The following PZP variants were observed in gnomAD, a reference collection of about 807,000 sequenced individuals.
PZP encodes the protein pregnancy zone protein.
In PZP, 150 loss-of-function variants were observed where a neutral mutation model predicts 179.8. That is an observed-to-expected ratio of 0.83 (90% CI 0.73 to 0.96). The LOEUF is 0.96. Ranked by LOEUF, PZP falls within the 40% of genes least tolerant of loss-of-function variation. PZP has a pLI of 0.00. For synonymous variants in PZP, 624 were observed against 652.3 expected, an observed-to-expected ratio of 0.96 and a Z score of 0.66; for missense variants, 1,689 against 1,764.0, an observed-to-expected ratio of 0.96 and a Z score of 0.76.
intron 17 of PZP, among the ~76,000 whole-genome samples, chr12:9,168,290 G>A (rs1445204489): frequency 1.3e-5 from 2 of 152,170 alleles, no homozygotes; most frequent in East Asian, 3.8e-4. Context: ...TTTGTGAGCA[G>A]ATGGATGTCA....
rs139793180 is a variant in PZP at position 9,173,683 on chromosome 12, G to A, written c.1840-4092C>T. Among the ~76,000 whole-genome samples the A allele has an allele frequency of 1.9e-3, 290 of 152,204 alleles. 1 individual carries two copies. The highest frequency in any genetic ancestry group is 3.5e-3 in the Non-Finnish European group (237 of 68,004). ...CTCACAGAAACGCAAACAACCATCC[G>A]CAAATACTATAAACACCTCTGTCTA... On this transcript the variant is annotated intron_variant, in intron 15 of 35. Coordinates refer to ENST00000261336, the MANE Select transcript of PZP (RefSeq NM_002864.3).
rs374239946 is a variant in PZP, at chr12:9,168,898, G to C, written c.2078C>G (p.Ala693Gly). The change falls in exon 17 of 36, where the codon GCA becomes GGA. Residue 693 changes from alanine to glycine, a missense_variant. Transcript: ENST00000261336. Reference protein sequence around the residue: ...KSCSVIPSVSAGAVGQGYYGA... With the variant: ...KSCSVIPSVSGGAVGQGYYGA... ...ATAGTATCCTTGACCTACTGCTCCT[G>C]CAGACACGGAAGGGATGACTGAACA... 30 of 1,613,920 alleles carry C rather than the reference G, an allele frequency of 1.9e-5. No individual in the cohort carries two copies. In the African/African-American group the frequency reaches 2.5e-4, roughly 14 times the overall value.
the PZP span, among the ~76,000 whole-genome samples, chr12:9,140,239 G>T: frequency 5.3e-5 from 8 of 152,232 alleles, no homozygotes; most frequent in African/African-American, 1.9e-4. Context: ...GGCAGGGTAA[G>T]AACATTAGTC....
Position 9,164,121 on chromosome 12 carries a change from A to T in PZP, c.2614+12T>A. ...TGTTGATTGATAGGCCCTTTTGGGT[A>T]CTGTCACTCACCCAGAGTTTTAGGA... is the stretch of plus-strand genomic sequence containing the variant. On this transcript the variant is annotated intron_variant, in intron 20 of 35. Transcript: ENST00000261336. 6.2e-7 allele frequency: 1 copy of T among 1,608,266 alleles called. No individual in the cohort carries two copies. Among genetic ancestry groups the T allele is most frequent in the Non-Finnish European group, 8.5e-7 (1 of 1,175,148 alleles).
At position 9,166,192 on chromosome 12, in the gene PZP, T is replaced by A. The variant is rs1428884963; in HGVS notation, c.2118A>T (p.Gly706=). Residue 706 remains glycine (G), a synonymous_variant, in exon 18 of 36, where the codon GGA becomes GGT. Coordinates refer to ENST00000261336, the MANE Select transcript of PZP (RefSeq NM_002864.3). ...GAGGAACATATGGTCTCTCTACTAC[T>A]CCTAGACCTGCTAAAGTAAGAGAAA... is the stretch of plus-strand genomic sequence containing the variant. The part of the protein sequence containing the change: ...VGQGYYGAGL[G]VVERPYVPQL... 6.2e-7 allele frequency: 1 copy of A among 1,609,798 alleles called. No homozygotes were observed. Among genetic ancestry groups the A allele is most frequent in the Non-Finnish European group, 8.5e-7 (1 of 1,179,026 alleles).
chr12:9,170,956 G>C lies in PZP; in HGVS notation c.1840-1365C>G, dbSNP rs905299827. 4.6e-5 allele frequency among the ~76,000 whole-genome samples: 7 copies of C among 152,174 alleles called. No homozygotes were observed. The highest frequency in any genetic ancestry group is 1.7e-4 in the African/African-American group (7 of 41,426). ...GGAGAATACAGGTGATCCAGGTGAG[G>C]AAGGATCCCACCCAATGCAGCCCAC... On this transcript the variant is annotated intron_variant, in intron 15 of 35. Transcript: ENST00000261336. This position sits in a 1 kb window ranked among gnomAD's most constrained non-coding sequence, Gnocchi z 4.6.
intron 15 of PZP, among the ~76,000 whole-genome samples, chr12:9,176,991 A>G (rs1431488311): frequency 6.6e-6 from 1 of 152,180 alleles, no homozygotes; most frequent in Non-Finnish European, 1.5e-5. Flanking sequence ...CAGAGAGAGG[A>G]TCGAGTATAT....
chr12:9,150,308 A>G (rs1425597229), intron 34 of PZP, among the ~76,000 whole-genome samples: 4 of 151,966 alleles, frequency 2.6e-5, no homozygotes, highest in Non-Finnish European at 5.9e-5. Context: ...TTTGAGACGG[A>G]GTCTCGCACC....
intron 29 of PZP, 53 bp from the exon 30 acceptor site, chr12:9,153,396 G>C: frequency 6.7e-7 from 1 of 1,485,586 alleles, no homozygotes; most frequent in Non-Finnish European, 9.3e-7. Flanking sequence ...TGGCATCTGG[G>C]ATTTTCCCCC....
chr12:9,137,482 T>A, the PZP span, among the ~76,000 whole-genome samples: 1 of 152,158 alleles, frequency 6.6e-6, no homozygotes, highest in Non-Finnish European at 1.5e-5. Context: ...TTCTTCTTCT[T>A]TCTCAAGATT....
At chr12:9,169,346 T>G in intron 16 of PZP, 84 bp downstream of exon 16, 1 of 1,279,384 alleles carries the variant, frequency 7.8e-7, no homozygotes, top group Non-Finnish European at 1.1e-6. Context: ...GCTACATAAT[T>G]ACTAAGATTA....
At chr12:9,168,004 T>TA (rs1265592026) in intron 17 of PZP, among the ~76,000 whole-genome samples, 2 of 152,224 alleles carry the variant, frequency 1.3e-5, no homozygotes, top group African/African-American at 4.8e-5. Flanking sequence ...CATGGCCCTT[T>TA]AAAAGGTGTC....
At chr12:9,158,726 A>G in intron 25 of PZP, 150 bp from the exon 26 acceptor site, 1 of 642,596 alleles carries the variant, frequency 1.6e-6, no homozygotes, top group Non-Finnish European at 2.4e-6. Context: ...TTTTTAGCTT[A>G]GACATCTCTT....
chr12:9,176,444 C>T (rs955718754), intron 15 of PZP, among the ~76,000 whole-genome samples: 1 of 152,000 alleles, frequency 6.6e-6, no homozygotes, highest in African/African-American at 2.4e-5. Context: ...CACTTGTACC[C>T]CTGAAGTTAA....
chr12:9,187,364 AAAC>A (rs1418252261), intron 13 of PZP, among the ~76,000 whole-genome samples: 1 of 152,124 alleles, frequency 6.6e-6, no homozygotes, highest in Non-Finnish European at 1.5e-5. Flanking sequence ...ATCCACTACA[AAAC>A]AACAACACAT....
chr12:9,159,839 G>C (rs1941040024), intron 25 of PZP, 99 bp downstream of exon 25: 1 of 1,027,460 alleles, frequency 9.7e-7, no homozygotes, highest in Admixed American at 2.2e-5. Flanking sequence ...CCTAGTTTCA[G>C]GTATTCTGTT....
In PZP at chr12:9,152,255, A is replaced by G. The variant is rs1940412233; in HGVS notation, c.4177T>C (p.Ser1393Pro). Residue 1393 changes from serine to proline, a missense_variant, in exon 32 of 36, where the codon TCT (serine) becomes CCT (proline). Ser to Pro is a moderately conservative substitution (Grantham distance 74). Around this residue, in one of 3 missense-constraint regions of PZP, gnomAD observed 746 missense variants for 749.2 expected, o/e 1.00. Coordinates refer to ENST00000261336, the MANE Select transcript of PZP (RefSeq NM_002864.3). ...NMVIVDVKMV[S>P]GFIPLKPTVK... Reference sequence around the variant, plus strand: ...GTTGGTTTCAGGGGAATAAAACCAGATACCATCTTTACATCAACAATCACC... The same window carrying G: ...GTTGGTTTCAGGGGAATAAAACCAGGTACCATCTTTACATCAACAATCACC... The G allele has an allele frequency of 6.2e-7, 1 of 1,612,932 alleles. No individual in the cohort carries two copies.
At position 9,154,768 on chromosome 12, in the gene PZP, G is replaced by C; in HGVS notation, c.3622C>G (p.Pro1208Ala). Reference sequence around the variant, plus strand: ...GATGTCATCTCCACCTCAGCAGAGGGAGCCTGGGTTTGGTAAAGATGCCCC... The same window carrying C: ...GATGTCATCTCCACCTCAGCAGAGGCAGCCTGGGTTTGGTAAAGATGCCCC... ...PVGHLYQTQA[P>A]SAEVEMTSYV... Residue 1208 changes from proline (P) to alanine (A), a missense_variant, in exon 29 of 36, where the codon CCC becomes GCC. Coordinates refer to ENST00000261336, the MANE Select transcript of PZP (RefSeq NM_002864.3). The C allele has an allele frequency of 1.2e-6, 2 of 1,614,146 alleles. No individual in the cohort carries two copies. Among genetic ancestry groups the C allele is most frequent in the Non-Finnish European group, 1.7e-6 (2 of 1,180,026 alleles).
intron 27 of PZP, 21 bp downstream of exon 27, chr12:9,157,746 T>C: frequency 1.9e-6 from 3 of 1,600,520 alleles, no homozygotes; most frequent in Non-Finnish European, 2.6e-6. Flanking sequence ...TGGTAGGGAA[T>C]GGGATTGAGC....
Sources: allele counts gnomAD v4.1 joint callset (sites outside exome capture counted in the v4.1 genomes callset), GRCh38; gene constraint gnomAD v4.1.1; regional missense constraint gnomAD v4.1.1; non-coding constraint Gnocchi (gnomAD v3.1); transcripts MANE v1.5; gene names NCBI Gene and HGNC (gene_info 2026-07-23, HGNC 2026-07-21).